FLT3: variants seen among roughly 807,000 people sequenced by gnomAD.
FLT3 encodes receptor-type tyrosine-protein kinase FLT3.
A neutral mutation model predicts 126.6 loss-of-function variants in FLT3; 46 were observed. The observed-to-expected ratio is 0.36, with a 90% CI of 0.29 to 0.46. FLT3 has a LOEUF of 0.46. Ranked by LOEUF, FLT3 falls within the 20% of genes least tolerant of loss-of-function variation. FLT3 has a pLI of 1.00. For synonymous variants in FLT3, 404 were observed against 434.4 expected (o/e 0.93, Z 0.87); for missense variants, 1,069 against 1,190.3 (o/e 0.90, Z 1.50).
At chr13:28,084,891 C>T (rs375656929) in intron 1 of FLT3, among the ~76,000 whole-genome samples, 26 of 149,622 alleles carry the variant, frequency 1.7e-4, no homozygotes, top group East Asian at 8.0e-4. Flanking sequence ...AGGAGAATGG[C>T]GTGAACCCGG....
Position 28,062,074 on chromosome 13 carries a change from G to C in FLT3, c.166-5C>G, listed in dbSNP as rs369462069. 6.2e-7 allele frequency: 1 copy of C among 1,609,712 alleles called. No homozygotes were observed. The highest frequency in any genetic ancestry group is 1.7e-5 in the Admixed American group (1 of 59,888). On this transcript the variant is annotated splice_region_variant and splice_polypyrimidine_tract_variant and intron_variant, in intron 2 of 23. Coordinates refer to ENST00000241453, the MANE Select transcript of FLT3 (RefSeq NM_004119.3). Reference sequence around the variant, plus strand: ...GTCTTCCGGGGATTCTGATACCTACGTTGCAGATAGAACAAAGTGAATTCA... The same window carrying C: ...GTCTTCCGGGGATTCTGATACCTACCTTGCAGATAGAACAAAGTGAATTCA...
chr13:28,037,646 C>T (rs1873961622), intron 9 of FLT3, among the ~76,000 whole-genome samples: 1 of 152,194 alleles, frequency 6.6e-6, no homozygotes, highest in Admixed American at 6.6e-5. Context: ...TCCTGCCCCT[C>T]TTGCTCTGGA....
At position 28,019,674 on chromosome 13, in the gene FLT3, C is replaced by T. The variant is rs537315156; in HGVS notation, c.2419-1085G>A. 5.3e-5 allele frequency among the ~76,000 whole-genome samples: 8 copies of T among 152,290 alleles called. No homozygotes were observed. The East Asian group carries it at 5.8e-4, about 11-fold the overall frequency. On this transcript the variant is annotated intron_variant, in intron 19 of 23. Coordinates refer to ENST00000241453, the MANE Select transcript of FLT3 (RefSeq NM_004119.3). ...CTGCCTCCTCCTCCTGCCTGTCTGC[C>T]CAAGCTGCTCTGGCCGAGGCCTGCA...
intron 1 of FLT3, among the ~76,000 whole-genome samples, chr13:28,091,982 A>G (rs1879141362): frequency 6.6e-6 from 1 of 152,170 alleles, no homozygotes; most frequent in South Asian, 2.1e-4. Context: ...AGGCAGGAGA[A>G]TCACTTGAAC....
chr13:28,099,187 T>C (rs1879662872), intron 1 of FLT3, among the ~76,000 whole-genome samples: 1 of 152,222 alleles, frequency 6.6e-6, no homozygotes, highest in Non-Finnish European at 1.5e-5. Context: ...TCGTTGCAAG[T>C]ATTGATGCTT....
intron 20 of FLT3, among the ~76,000 whole-genome samples, chr13:28,017,230 C>T (rs1871943483): frequency 6.6e-6 from 1 of 151,864 alleles, no homozygotes; most frequent in South Asian, 2.1e-4. Context: ...TTTTTTGAGA[C>T]AGGGTCTCAA....
chr13:28,089,152 C>T (rs1001757247), intron 1 of FLT3, among the ~76,000 whole-genome samples: 1 of 152,178 alleles, frequency 6.6e-6, no homozygotes, highest in African/African-American at 2.4e-5. Context: ...GTACACATTG[C>T]TACACTGCTA....
intron 2 of FLT3, among the ~76,000 whole-genome samples, chr13:28,066,797 G>T (rs1877075549): frequency 6.6e-6 from 1 of 152,168 alleles, no homozygotes; most frequent in Non-Finnish European, 1.5e-5. Context: ...TCGTAGGCAA[G>T]ATCCACCAAT....
At chr13:28,043,967 G>A (rs913807543) in intron 9 of FLT3, among the ~76,000 whole-genome samples, 6 of 148,348 alleles carry the variant, frequency 4.0e-5, no homozygotes, top group South Asian at 2.2e-4. Flanking sequence ...AAAATTAGCC[G>A]AGTGTGGTGG....
intron 1 of FLT3, among the ~76,000 whole-genome samples, chr13:28,090,836 GT>G (rs1208824513): frequency 6.6e-6 from 1 of 152,066 alleles, no homozygotes; most frequent in Non-Finnish European, 1.5e-5. Context: ...CAATATTAAG[GT>G]TCTTTCCAAA....
At chr13:28,063,456 G>A (rs7986910) in intron 2 of FLT3, among the ~76,000 whole-genome samples, 146,934 of 152,302 alleles carry the variant, frequency 0.96, 70,994 homozygotes, top group East Asian at 1. Context: ...CTCCAGCCTG[G>A]GGGACGGAGT....
chr13:28,033,761 A>T, intron 15 of FLT3, 126 bp downstream of exon 15: 1 of 762,252 alleles, frequency 1.3e-6, no homozygotes. Flanking sequence ...AATCCACTCC[A>T]TTTTTAGCCT....
chr13:28,099,095 C>G (rs769632956), intron 1 of FLT3, among the ~76,000 whole-genome samples: 27 of 149,938 alleles, frequency 1.8e-4, no homozygotes, highest in Non-Finnish European at 4.5e-5. Flanking sequence ...AATTATACTT[C>G]ATTTAGAAAT....
At chr13:28,086,619 CGTGTGTGTGTGTGTGT>C (rs35797346) in intron 1 of FLT3, among the ~76,000 whole-genome samples, 77 of 134,832 alleles carry the variant, frequency 5.7e-4, no homozygotes, top group African/African-American at 1.8e-3. Flanking sequence ...CTGAAGAACT[CGTGTGTGTGTGTGTGT>C]GTGTGTGTGT....
At chr13:28,085,405 A>G (rs1334075901) in intron 1 of FLT3, among the ~76,000 whole-genome samples, 1 of 151,232 alleles carries the variant, frequency 6.6e-6, no homozygotes, top group Admixed American at 6.6e-5. Context: ...TACTGTGACT[A>G]TTGTTAGGTG....
intron 1 of FLT3, among the ~76,000 whole-genome samples, chr13:28,081,779 T>C (rs1382680103): frequency 6.6e-6 from 1 of 151,570 alleles, no homozygotes; most frequent in Non-Finnish European, 1.5e-5. Flanking sequence ...ATAAGTTCTT[T>C]TCTCTTCTGT....
intron 9 of FLT3, among the ~76,000 whole-genome samples, chr13:28,038,274 T>C (rs1046477792): frequency 6.6e-6 from 1 of 152,062 alleles, no homozygotes; most frequent in East Asian, 1.9e-4. Flanking sequence ...TGCTGGATAC[T>C]GCAGTGAGAT....
intron 9 of FLT3, among the ~76,000 whole-genome samples, chr13:28,045,380 C>T (rs113630094): frequency 3.2e-4 from 48 of 152,300 alleles, no homozygotes; most frequent in African/African-American, 1.1e-3. Flanking sequence ...TAAATTGAAT[C>T]GACCCCTTCT....
At chr13:28,013,291 T>C (rs753948987) in intron 23 of FLT3, among the ~76,000 whole-genome samples, 2 of 152,246 alleles carry the variant, frequency 1.3e-5, no homozygotes, top group Non-Finnish European at 2.9e-5. Context: ...ATCAGATTTA[T>C]ATTTAACTAA....
Sources: allele counts gnomAD v4.1 joint callset (sites outside exome capture counted in the v4.1 genomes callset), GRCh38; gene constraint gnomAD v4.1.1; transcripts MANE v1.5; gene names NCBI Gene and HGNC (gene_info 2026-07-23, HGNC 2026-07-21).